SCFD2: variants seen among roughly 807,000 people sequenced by gnomAD.
The protein encoded by SCFD2 is sec1 family domain containing 2, also known as sec1 family domain-containing protein 2.
In SCFD2, 54 loss-of-function variants were observed where a neutral mutation model predicts 58.9. The observed-to-expected ratio is 0.92, with a 90% CI of 0.74 to 1.15. The LOEUF (loss-of-function observed/expected upper bound fraction) is 1.15. SCFD2 is among the 50% of genes most tolerant of loss of function. SCFD2 has a pLI of 0.00. For synonymous variants in SCFD2, 321 were observed against 335.9 expected, an observed-to-expected ratio of 0.96 and a Z score of 0.49; for missense variants, 805 against 836.6, an observed-to-expected ratio of 0.96 and a Z score of 0.47.
intron 2 of SCFD2, among the ~76,000 whole-genome samples, chr4:53,326,485 G>T (rs1733201939): frequency 6.6e-6 from 1 of 151,906 alleles, no homozygotes; most frequent in Non-Finnish European, 1.5e-5. Context: ...ATTAGGATGA[G>T]AGCTTCCTTA....
intron 4 of SCFD2, among the ~76,000 whole-genome samples, chr4:53,225,468 G>A (rs1356088815): frequency 1.3e-5 from 2 of 152,000 alleles, no homozygotes; most frequent in African/African-American, 4.8e-5. Flanking sequence ...TTATCCATAT[G>A]AACAAATTCT....
At chr4:53,034,804 A>G (rs1334331647) in intron 5 of SCFD2, among the ~76,000 whole-genome samples, 1 of 152,206 alleles carries the variant, frequency 6.6e-6, no homozygotes, top group Non-Finnish European at 1.5e-5. Context: ...ACTACAAACC[A>G]CTGCTCAACG....
At chr4:53,283,377 T>G (rs1178332542) in intron 3 of SCFD2, among the ~76,000 whole-genome samples, 1 of 152,226 alleles carries the variant, frequency 6.6e-6, no homozygotes, top group Non-Finnish European at 1.5e-5. Flanking sequence ...CATATTTAGG[T>G]TTTATTGGCT....
rs1032050802 is a variant in SCFD2 at position 53,092,456 on chromosome 4, A to T, written c.1561+52877T>A. Among the ~76,000 whole-genome samples, 7 of 152,298 alleles carry T rather than the reference A, an allele frequency of 4.6e-5. No homozygotes were observed. The South Asian group carries it at 1.2e-3, about 27-fold the overall frequency. ...ACACTCTCATGCATTTAACTCAGAG[A>T]AGTAAAAATTTACAACTCCACAAAA... On this transcript the variant is annotated intron_variant, in intron 5 of 8. Coordinates refer to ENST00000401642, the MANE Select transcript of SCFD2 (RefSeq NM_152540.4).
intron 5 of SCFD2, among the ~76,000 whole-genome samples, chr4:53,070,967 T>C (rs77049621): frequency 0.011 from 1,661 of 152,216 alleles, 30 homozygotes; most frequent in African/African-American, 0.038. Flanking sequence ...GTTGCTCTGT[T>C]AGCTAGATGT....
intron 5 of SCFD2, among the ~76,000 whole-genome samples, chr4:53,076,332 T>C (rs1428782271): frequency 6.6e-6 from 1 of 152,142 alleles, no homozygotes; most frequent in Non-Finnish European, 1.5e-5. Context: ...AGCATCAAGG[T>C]TGATGAAAAC....
At chr4:52,965,629 A>C (rs932762408) in intron 5 of SCFD2, among the ~76,000 whole-genome samples, 1 of 152,200 alleles carries the variant, frequency 6.6e-6, no homozygotes, top group African/African-American at 2.4e-5. Context: ...TGCGTTGCCC[A>C]CTTCTGATGT....
intron 7 of SCFD2, among the ~76,000 whole-genome samples, chr4:52,902,328 C>G (rs946846710): frequency 6.6e-6 from 1 of 152,322 alleles, no homozygotes; most frequent in East Asian, 1.9e-4. Flanking sequence ...AAAGGGGAGT[C>G]TGGAAAAACA....
chr4:53,154,674 C>T (rs1726612188), intron 4 of SCFD2, among the ~76,000 whole-genome samples: 1 of 152,182 alleles, frequency 6.6e-6, no homozygotes, highest in African/African-American at 2.4e-5. Flanking sequence ...CATCCTAGTC[C>T]CTGGAATCTG....
At chr4:52,988,798 GC>G (rs1358464560) in intron 5 of SCFD2, among the ~76,000 whole-genome samples, 1 of 152,132 alleles carries the variant, frequency 6.6e-6, no homozygotes, top group Non-Finnish European at 1.5e-5. Flanking sequence ...ACTCTAGCAA[GC>G]TTTTCCATTA....
chr4:53,001,027 G>T (rs1384086651), intron 5 of SCFD2, among the ~76,000 whole-genome samples: 1 of 152,206 alleles, frequency 6.6e-6, no homozygotes, highest in Non-Finnish European at 1.5e-5. Flanking sequence ...GACACTGGCT[G>T]CTTTCTTTGT....
chr4:53,251,930 G>A (rs369830473), intron 4 of SCFD2, among the ~76,000 whole-genome samples: 3 of 151,934 alleles, frequency 2.0e-5, no homozygotes, highest in Admixed American at 6.6e-5. Context: ...ATTAGGAAAA[G>A]AGGAAGTCAA....
intron 5 of SCFD2, among the ~76,000 whole-genome samples, chr4:53,093,305 A>C (rs1258147876): frequency 6.6e-6 from 1 of 152,178 alleles, no homozygotes; most frequent in Non-Finnish European, 1.5e-5. Flanking sequence ...ATTTTTAAAA[A>C]AGGATCACCA....
At chr4:53,140,392 A>AAAATATATATAT (rs369140110) in intron 5 of SCFD2, among the ~76,000 whole-genome samples, 4,380 of 97,380 alleles carry the variant, frequency 0.045, 564 homozygotes, top group African/African-American at 0.11. Context: ...CAAAAATGCT[A>AAAATATATATAT]ATATATATAT....
chr4:53,207,164 G>C (rs1359413366), intron 4 of SCFD2, among the ~76,000 whole-genome samples: 1 of 151,664 alleles, frequency 6.6e-6, no homozygotes, highest in African/African-American at 2.4e-5. Flanking sequence ...ATTAGTGACG[G>C]TTTTGCCCTT....
chr4:53,223,758 T>C (rs1282929290), intron 4 of SCFD2, among the ~76,000 whole-genome samples: 1 of 152,220 alleles, frequency 6.6e-6, no homozygotes, highest in East Asian at 1.9e-4. Context: ...CTAAAGACAA[T>C]ACTGATGGCA....
chr4:52,900,337 G>A (rs1234523464), intron 7 of SCFD2, among the ~76,000 whole-genome samples: 1 of 152,172 alleles, frequency 6.6e-6, no homozygotes, highest in South Asian at 2.1e-4. Context: ...TGGTGTGGAT[G>A]TCCTTTCTGT....
At chr4:53,147,589 G>A (rs1217489192) in intron 4 of SCFD2, among the ~76,000 whole-genome samples, 1 of 152,188 alleles carries the variant, frequency 6.6e-6, no homozygotes, top group Admixed American at 6.5e-5. Flanking sequence ...AATTTACCAA[G>A]TGTAAACACA....
chr4:52,946,029 C>G (rs760424373), intron 5 of SCFD2, among the ~76,000 whole-genome samples: 3 of 152,056 alleles, frequency 2.0e-5, no homozygotes, highest in Admixed American at 2.0e-4. Context: ...GAAAATAAAA[C>G]CACGTGCATT....
Sources: gnomAD v4.1 joint callset for allele counts (sites outside exome capture counted in the v4.1 genomes callset) on GRCh38, gnomAD v4.1.1 for gene constraint, MANE v1.5 for transcripts, NCBI Gene and HGNC (gene_info 2026-07-23, HGNC 2026-07-21) for gene names.